Variants in PIK3IP1 observed in about 807,000 individuals in gnomAD.
The protein encoded by PIK3IP1 is phosphoinositide-3-kinase interacting protein 1.
A neutral mutation model predicts 30.7 loss-of-function variants in PIK3IP1; 28 were observed. The observed-to-expected ratio is 0.91, with a 90% CI of 0.68 to 1.25. PIK3IP1 has a LOEUF of 1.25. PIK3IP1 is among the 50% of genes most tolerant of loss of function. The pLI, the probability that PIK3IP1 is intolerant of heterozygous loss-of-function variation, is 0.00. For synonymous variants in PIK3IP1, 159 were observed against 140.8 expected, an observed-to-expected ratio of 1.13 and a Z score of -0.91; for missense variants, 333 against 346.2, an observed-to-expected ratio of 0.96 and a Z score of 0.30.
chr22:31,289,273 C>T (rs2049154500), intron 5 of PIK3IP1, 42 bp downstream of exon 5: 1 of 1,598,902 alleles, frequency 6.3e-7, no homozygotes, highest in Non-Finnish European at 8.6e-7. Flanking sequence ...TGTGTACCTT[C>T]CTCCCCTCCT....
intron 5 of PIK3IP1, among the ~76,000 whole-genome samples, chr22:31,288,446 A>G (rs1289905429): frequency 6.6e-6 from 1 of 151,960 alleles, no homozygotes; most frequent in Non-Finnish European, 1.5e-5. Context: ...GAGGAAAGGA[A>G]GGAAAAATGC....
chr22:31,288,998 T>A (rs1285569012), intron 5 of PIK3IP1: 1 of 500,028 alleles, frequency 2.0e-6, no homozygotes, highest in Admixed American at 3.7e-5. Context: ...AGCAGGGAAT[T>A]TGCTATCAAA....
At chr22:31,286,462 C>T (rs5997942) in intron 5 of PIK3IP1, among the ~76,000 whole-genome samples, 36,467 of 152,098 alleles carry the variant, frequency 0.24, 6,429 homozygotes, top group African/African-American at 0.5. Flanking sequence ...AGCCCACATG[C>T]GGTTTCCTGT....
intron 5 of PIK3IP1, 47 bp from the exon 6 acceptor site, chr22:31,283,335 AG>A: frequency 6.3e-7 from 1 of 1,597,324 alleles, no homozygotes; most frequent in Non-Finnish European, 8.6e-7. Context: ...CCTCCTGCAT[AG>A]CTTTGCTCAT....
intron 5 of PIK3IP1, among the ~76,000 whole-genome samples, 190 bp from the exon 6 acceptor site, chr22:31,283,478 C>G (rs912614385): frequency 6.6e-6 from 1 of 152,162 alleles, no homozygotes; most frequent in Non-Finnish European, 1.5e-5. Context: ...TTAAACTCAA[C>G]AAGAAGCTCC....
intron 1 of PIK3IP1, 45 bp from the exon 2 acceptor site, chr22:31,291,341 A>G: frequency 6.5e-7 from 1 of 1,528,142 alleles, no homozygotes; most frequent in Non-Finnish European, 8.9e-7. Context: ...CGGGCAGCGA[A>G]CGGAAGACGC....
intron 5 of PIK3IP1, among the ~76,000 whole-genome samples, chr22:31,287,868 T>C (rs1305111173): frequency 6.6e-6 from 1 of 152,056 alleles, no homozygotes; most frequent in Non-Finnish European, 1.5e-5. Context: ...CATCTGTAAA[T>C]TGGAGATGAC....
At position 31,289,541 on chromosome 22, in the gene PIK3IP1, C is replaced by A; in HGVS notation, c.466G>T (p.Val156Leu). Reference sequence around the variant, plus strand: ...TTTTTCTCCTTGGAGTTCATCCGCACCCGCTGGCTGATCCCAATCACTGGC... The same window carrying A: ...TTTTTCTCCTTGGAGTTCATCCGCAACCGCTGGCTGATCCCAATCACTGGC... Reference protein sequence around the residue: ...VQPVIGISQRVRMNSKEKKDL... With the variant: ...VQPVIGISQRLRMNSKEKKDL... The change falls in exon 4 of 6, where the codon GTG becomes TTG. Residue 156 changes from valine to leucine, a missense_variant. By Grantham distance (32) the Val-to-Leu change is conservative. Around this residue, in one of 3 missense-constraint regions of PIK3IP1, gnomAD observed 217 missense variants for 227.7 expected, o/e 0.95. Transcript: ENST00000215912. 6.4e-7 allele frequency: 1 copy of A among 1,551,924 alleles called. No homozygotes were observed. Among genetic ancestry groups the A allele is most frequent in the Non-Finnish European group, 8.7e-7 (1 of 1,146,046 alleles).
At chr22:31,283,548 T>C (rs1198921304) in intron 5 of PIK3IP1, among the ~76,000 whole-genome samples, 1 of 151,976 alleles carries the variant, frequency 6.6e-6, no homozygotes, top group Non-Finnish European at 1.5e-5. Flanking sequence ...ATGGACTTCA[T>C]ACAGCTTCAC....
chr22:31,288,906 T>C, intron 5 of PIK3IP1: 1 of 329,672 alleles, frequency 3.0e-6, no homozygotes, highest in Non-Finnish European at 5.5e-6. Context: ...AGAAAGAATT[T>C]GGTCTTAAGG....
rs914468154 is a variant in PIK3IP1, at chr22:31,290,958, C to G, written c.307+7G>C. ...GAGCGGGGATTCCCGGGGTCCCGGG[C>G]AGGTACCTGGACAGCGCAGGTCCTC... On this transcript the variant is annotated splice_region_variant and intron_variant, in intron 3 of 5. Transcript: ENST00000215912. The G allele has an allele frequency of 1.3e-5, 20 of 1,571,398 alleles. No homozygotes were observed. Among genetic ancestry groups the G allele is most frequent in the Non-Finnish European group, 1.4e-5 (16 of 1,162,440 alleles).
chr22:31,284,007 C>T (rs2049112016), intron 5 of PIK3IP1, among the ~76,000 whole-genome samples: 1 of 152,102 alleles, frequency 6.6e-6, no homozygotes, highest in African/African-American at 2.4e-5. Flanking sequence ...CAGGTTCAAG[C>T]GATTCTCCTG....
At chr22:31,285,202 C>T (rs1316156485) in intron 5 of PIK3IP1, among the ~76,000 whole-genome samples, 1 of 152,234 alleles carries the variant, frequency 6.6e-6, no homozygotes, top group African/African-American at 2.4e-5. Context: ...TGCCACACTG[C>T]TGCTCAGGAA....
At chr22:31,291,156 G>T (rs5753544) in intron 2 of PIK3IP1, 24 bp downstream of exon 2, 1 of 1,539,264 alleles carries the variant, frequency 6.5e-7, no homozygotes, top group East Asian at 2.5e-5. Flanking sequence ...CCAGCCCCGG[G>T]GCCGTCCCCC....
At chr22:31,286,114 A>G (rs1234574836) in intron 5 of PIK3IP1, among the ~76,000 whole-genome samples, 1 of 151,988 alleles carries the variant, frequency 6.6e-6, no homozygotes, top group Non-Finnish European at 1.5e-5. Flanking sequence ...CGGCGGTTGC[A>G]GTGAGCCGAC....
chr22:31,289,606 G>A lies in PIK3IP1; in HGVS notation c.401C>T (p.Ala134Val), dbSNP rs1390072077. The A allele has an allele frequency of 6.4e-7, 1 of 1,558,958 alleles. No homozygotes were observed. Among genetic ancestry groups the A allele is most frequent in the Admixed American group, 2.0e-5 (1 of 51,212 alleles). Residue 134 changes from alanine to valine, a missense_variant, in exon 4 of 6, where the codon GCC (alanine) becomes GTC (valine). By Grantham distance (64) the Ala-to-Val change is moderately conservative. This residue lies in a region of PIK3IP1 where 217 missense variants were observed against 227.7 expected (regional missense o/e 0.95). Transcript: ENST00000215912. ...GADEVQVFAP[A>V]NALPARSEAA... ...CTCACTCCGAGCGGGCAGGGCGTTG[G>A]CAGGAGCGAACACCTGCACCTCATC...
intron 3 of PIK3IP1, 196 bp downstream of exon 3, chr22:31,290,769 C>T (rs1012364994): frequency 1.6e-5 from 12 of 753,846 alleles, no homozygotes; most frequent in Non-Finnish European, 2.3e-5. Flanking sequence ...GCGCTCGCGG[C>T]GGATGAGCTC....
At chr22:31,289,752 C>A in intron 3 of PIK3IP1, 53 bp from the exon 4 acceptor site, 1 of 1,536,480 alleles carries the variant, frequency 6.5e-7, no homozygotes, top group Non-Finnish European at 8.8e-7. Context: ...GAGTGAATTC[C>A]ACAGCTGAAC....
intron 1 of PIK3IP1, among the ~76,000 whole-genome samples, 177 bp from the exon 2 acceptor site, chr22:31,291,473 C>A (rs1393183007): frequency 2.2e-5 from 2 of 90,384 alleles, no homozygotes; most frequent in Non-Finnish European, 4.0e-5. Context: ...CCACGCACCC[C>A]CCCCCCCCAA....
Sources: gnomAD v4.1 joint callset for allele counts (sites outside exome capture counted in the v4.1 genomes callset) on GRCh38, gnomAD v4.1.1 for gene constraint, gnomAD v4.1.1 regional missense constraint, MANE v1.5 for transcripts, NCBI Gene and HGNC (gene_info 2026-07-23, HGNC 2026-07-21) for gene names.